Variants in CSMD1 observed in about 807,000 individuals in gnomAD.
CSMD1 encodes the protein CUB and sushi domain-containing protein 1.
In CSMD1, 213 loss-of-function variants were observed where a neutral mutation model predicts 417.5. The observed-to-expected ratio is 0.51, with a 90% CI of 0.46 to 0.57. CSMD1 has a LOEUF of 0.57. Ranked by LOEUF, CSMD1 falls within the 20% of genes least tolerant of loss-of-function variation. CSMD1 has a pLI of 0.00. For synonymous variants in CSMD1, 2,862 were observed against 1,736.8 expected, an observed-to-expected ratio of 1.65 and a Z score of -16.11; for missense variants, 6,923 against 4,529.7, an observed-to-expected ratio of 1.53 and a Z score of -15.17.
intron 3 of CSMD1, among the ~76,000 whole-genome samples, chr8:4,145,350 G>T (rs559349373): frequency 6.0e-5 from 9 of 151,066 alleles, no homozygotes; most frequent in Non-Finnish European, 1.2e-4. Flanking sequence ...CAATATGTCA[G>T]AAAGATCTGG....
intron 2 of CSMD1, among the ~76,000 whole-genome samples, chr8:4,518,245 C>T (rs185832679): frequency 5.3e-5 from 8 of 152,250 alleles, no homozygotes; most frequent in Admixed American, 1.3e-4. Flanking sequence ...TCATTTCTCC[C>T]TCCCACAGAC....
At position 3,754,379 on chromosome 8, in the gene CSMD1, G is replaced by C. The variant is rs181348119; in HGVS notation, c.819-337C>G. ...CACAATGAATCAGAAAAAAGGAAAA[G>C]AAATAGGAAAATGATAAAATTCTGT... On this transcript the variant is annotated intron_variant, in intron 5 of 69. Transcript: ENST00000635120. 2.0e-3 allele frequency among the ~76,000 whole-genome samples: 309 copies of C among 152,164 alleles called. 2 individuals carry two copies. The highest frequency in any genetic ancestry group is 7.2e-3 in the African/African-American group (300 of 41,556).
At chr8:3,581,188 A>G (rs958275517) in intron 9 of CSMD1, among the ~76,000 whole-genome samples, 5 of 152,216 alleles carry the variant, frequency 3.3e-5, no homozygotes, top group South Asian at 4.1e-4. Context: ...TTTACTTAAA[A>G]AAATAGAACG....
intron 1 of CSMD1, among the ~76,000 whole-genome samples, chr8:4,709,075 G>C (rs974789): frequency 0.92 from 140,526 of 152,266 alleles, 64,976 homozygotes; most frequent in East Asian, 0.99. Flanking sequence ...CCCTAGCAAA[G>C]TAATATGCTT....
chr8:3,609,870 G>C (rs949088431), intron 8 of CSMD1, among the ~76,000 whole-genome samples: 8 of 118,426 alleles, frequency 6.8e-5, no homozygotes, highest in Non-Finnish European at 9.7e-5. Flanking sequence ...CCAGGCTGAA[G>C]TGAAGTGGTG....
chr8:4,965,460 G>C (rs1048828774), intron 1 of CSMD1, among the ~76,000 whole-genome samples: 1 of 152,210 alleles, frequency 6.6e-6, no homozygotes, highest in Non-Finnish European at 1.5e-5. Flanking sequence ...TGATAATGCA[G>C]GACATGTGGA....
At chr8:3,562,944 AT>A (rs1799532571) in intron 10 of CSMD1, among the ~76,000 whole-genome samples, 1 of 152,204 alleles carries the variant, frequency 6.6e-6, no homozygotes, top group East Asian at 1.9e-4. Context: ...CAAACCATCC[AT>A]TTAGTAATTA....
chr8:3,318,715 A>C (rs1192592563), intron 23 of CSMD1, among the ~76,000 whole-genome samples: 1 of 152,146 alleles, frequency 6.6e-6, no homozygotes, highest in Non-Finnish European at 1.5e-5. Flanking sequence ...GGTGGTGGTC[A>C]CAGGAGTTCC....
At chr8:4,587,775 AC>A in intron 2 of CSMD1, among the ~76,000 whole-genome samples, 1 of 152,318 alleles carries the variant, frequency 6.6e-6, no homozygotes, top group African/African-American at 2.4e-5. Context: ...TAACACAAGC[AC>A]TTTTCACATT....
At chr8:3,147,337 A>G (rs1818905928) in intron 40 of CSMD1, among the ~76,000 whole-genome samples, 1 of 152,192 alleles carries the variant, frequency 6.6e-6, no homozygotes, top group Non-Finnish European at 1.5e-5. Flanking sequence ...TTTTTACACG[A>G]AAGCAACTTT....
At chr8:4,226,140 G>A (rs541284720) in intron 3 of CSMD1, among the ~76,000 whole-genome samples, 3 of 151,508 alleles carry the variant, frequency 2.0e-5, no homozygotes, top group Admixed American at 6.6e-5. Context: ...TAGCATGAGA[G>A]TTTCATTTTT....
intron 1 of CSMD1, among the ~76,000 whole-genome samples, chr8:4,664,729 G>A (rs140492910): frequency 0.035 from 5,372 of 152,202 alleles, 133 homozygotes; most frequent in African/African-American, 0.065. Context: ...TTATATAAAA[G>A]TGTAGATGCT....
intron 3 of CSMD1, among the ~76,000 whole-genome samples, chr8:4,088,244 G>A (rs1036933769): frequency 2.0e-5 from 3 of 152,172 alleles, no homozygotes; most frequent in African/African-American, 4.8e-5. Flanking sequence ...CAGAAGCTGA[G>A]AAGTAGATTT....
At chr8:4,730,986 G>A (rs753795700) in intron 1 of CSMD1, among the ~76,000 whole-genome samples, 1 of 152,080 alleles carries the variant, frequency 6.6e-6, no homozygotes, top group Admixed American at 6.6e-5. Context: ...AGGAAGGCTT[G>A]GGAGTTCTAT....
At chr8:4,823,216 T>C (rs1178790955) in intron 1 of CSMD1, among the ~76,000 whole-genome samples, 2 of 152,080 alleles carry the variant, frequency 1.3e-5, no homozygotes, top group Non-Finnish European at 2.9e-5. Flanking sequence ...TTAATCCAAA[T>C]GTCTAAACTC....
intron 5 of CSMD1, among the ~76,000 whole-genome samples, chr8:3,935,297 C>G (rs898936373): frequency 9.2e-5 from 14 of 152,176 alleles, no homozygotes; most frequent in African/African-American, 3.1e-4. Flanking sequence ...TTGATACACT[C>G]CATATCAGCA....
intron 10 of CSMD1, among the ~76,000 whole-genome samples, chr8:3,505,919 A>G (rs75094685): frequency 0.067 from 10,152 of 152,300 alleles, 468 homozygotes; most frequent in Admixed American, 0.14. Context: ...TTCTTTACAA[A>G]TACACTAAAA....
At chr8:3,466,354 T>G (rs908227480) in intron 12 of CSMD1, among the ~76,000 whole-genome samples, 1 of 152,100 alleles carries the variant, frequency 6.6e-6, no homozygotes, top group South Asian at 2.1e-4. Flanking sequence ...TCAGGCAACA[T>G]CAAAACGTAG....
At chr8:4,220,258 A>T (rs1177711528) in intron 3 of CSMD1, among the ~76,000 whole-genome samples, 1 of 152,130 alleles carries the variant, frequency 6.6e-6, no homozygotes, top group Non-Finnish European at 1.5e-5. Flanking sequence ...GTCTCAAGAT[A>T]ACTTAGAGAT....
Sources: allele counts gnomAD v4.1 joint callset (sites outside exome capture counted in the v4.1 genomes callset), GRCh38; gene constraint gnomAD v4.1.1; transcripts MANE v1.5; gene names NCBI Gene and HGNC (gene_info 2026-07-23, HGNC 2026-07-21).